The following RANBP2 variants were observed in gnomAD, a reference collection of about 807,000 sequenced individuals.
The protein encoded by RANBP2 is E3 SUMO-protein ligase RanBP2.
In RANBP2, 57 loss-of-function variants were observed where a neutral mutation model predicts 303.6. That is an observed-to-expected ratio of 0.19 (90% CI 0.15 to 0.23). RANBP2 has a LOEUF of 0.23. Ranked by LOEUF, RANBP2 falls within the 10% of genes least tolerant of loss-of-function variation. The pLI, the probability that RANBP2 is intolerant of heterozygous loss-of-function variation, is 1.00. For synonymous variants in RANBP2, 1,167 were observed against 1,301.5 expected, an observed-to-expected ratio of 0.90 and a Z score of 2.23; for missense variants, 3,138 against 3,780.8, an observed-to-expected ratio of 0.83 and a Z score of 4.46.
At chr2:109,224,584 G>A in the RANBP2 span, among the ~76,000 whole-genome samples, 1 of 152,168 alleles carries the variant, frequency 6.6e-6, no homozygotes, top group Non-Finnish European at 1.5e-5. Context: ...TTTGCCAGGC[G>A]CAGTGGCTCA....
the RANBP2 span, among the ~76,000 whole-genome samples, chr2:109,428,628 C>T: frequency 6.6e-6 from 1 of 152,240 alleles, no homozygotes; most frequent in African/African-American, 2.4e-5. Context: ...CATGAAAGCC[C>T]TATACACGCT....
At chr2:109,436,733 C>T in the RANBP2 span, among the ~76,000 whole-genome samples, 1 of 152,256 alleles carries the variant, frequency 6.6e-6, no homozygotes. Context: ...AAACAGGGCC[C>T]TTCTGCCCAG....
the RANBP2 span, among the ~76,000 whole-genome samples, chr2:109,263,187 T>C: frequency 6.6e-6 from 1 of 152,184 alleles, no homozygotes; most frequent in South Asian, 2.1e-4. Context: ...CAGAGACATG[T>C]GCATTCATAC....
the RANBP2 span, among the ~76,000 whole-genome samples, chr2:109,539,822 T>C: frequency 1.1e-4 from 17 of 152,220 alleles, no homozygotes; most frequent in African/African-American, 4.1e-4. Context: ...GCCTTCTGCA[T>C]CTGGCTTGAG....
At chr2:109,509,377 A>G in the RANBP2 span, among the ~76,000 whole-genome samples, 1 of 152,106 alleles carries the variant, frequency 6.6e-6, no homozygotes, top group Non-Finnish European at 1.5e-5. Context: ...CAACAGAAAT[A>G]TATTCTCTCA....
chr2:108,906,509 G>T, the RANBP2 span: 1 of 868,102 alleles, frequency 1.2e-6, no homozygotes. Context: ...CAGCAGCCCA[G>T]CCCTGACACA....
the RANBP2 span, among the ~76,000 whole-genome samples, chr2:109,441,256 A>G: frequency 1.3e-5 from 2 of 152,230 alleles, no homozygotes; most frequent in African/African-American, 4.8e-5. Context: ...TCAGTCAATC[A>G]ATCAAAACTG....
the RANBP2 span, among the ~76,000 whole-genome samples, chr2:109,451,496 G>A: frequency 4.6e-5 from 7 of 152,168 alleles, no homozygotes; most frequent in African/African-American, 1.4e-4. Context: ...AATGGGACTG[G>A]CTTCAATAAT....
chr2:108,896,034 A>G, the RANBP2 span: 1 of 152,224 alleles, frequency 6.6e-6, no homozygotes, highest in Non-Finnish European at 1.5e-5. Context: ...TGCTGCCCCT[A>G]AAAGGTCAAA....
At chr2:109,064,733 C>T in the RANBP2 span, among the ~76,000 whole-genome samples, 1 of 152,070 alleles carries the variant, frequency 6.6e-6, no homozygotes, top group Non-Finnish European at 1.5e-5. Flanking sequence ...GTTAGACATC[C>T]CTGTGGGTTG....
At chr2:109,025,377 A>G in the RANBP2 span, among the ~76,000 whole-genome samples, 3 of 152,166 alleles carry the variant, frequency 2.0e-5, no homozygotes, top group African/African-American at 7.2e-5. Context: ...TGGAGTTTCT[A>G]TTCTTTTTAT....
chr2:108,772,986 T>C lies in RANBP2; in HGVS notation c.8232T>C (p.Asp2744=), dbSNP rs1339131112. 1 of 1,614,020 alleles carries C rather than the reference T, an allele frequency of 6.2e-7. No homozygotes were observed. Among genetic ancestry groups the C allele is most frequent in the Non-Finnish European group, 8.5e-7 (1 of 1,179,928 alleles). ...TTTGTGGAGTCTGTAGTGATACTGA[T>C]GAAGACAATGGAAATGGGGAGGACT... is the stretch of plus-strand genomic sequence containing the variant. ...TFFCGVCSDT[D]EDNGNGEDFQ... is the part of the protein sequence containing the mutation. Residue 2744 remains aspartate (D), a synonymous_variant, in exon 23 of 29, where the codon GAT becomes GAC. Transcript: ENST00000283195.
At chr2:108,915,915 T>C in the RANBP2 span, among the ~76,000 whole-genome samples, 42 of 151,428 alleles carry the variant, frequency 2.8e-4, 1 homozygote, top group African/African-American at 9.2e-4. Flanking sequence ...AAATAAAAAA[T>C]AAATAAAAAT....
the RANBP2 span, among the ~76,000 whole-genome samples, chr2:109,228,759 T>A: frequency 1.3e-5 from 2 of 152,146 alleles, no homozygotes; most frequent in African/African-American, 4.8e-5. Flanking sequence ...GCACAGGGGC[T>A]TCCGTCTCTG....
At chr2:108,929,149 G>T in the RANBP2 span, 5 of 1,610,162 alleles carry the variant, frequency 3.1e-6, no homozygotes, top group African/African-American at 2.7e-5. Flanking sequence ...GCCCCTCGGG[G>T]TTTTCTGCAG....
At chr2:109,106,385 T>C in the RANBP2 span, among the ~76,000 whole-genome samples, 2 of 152,164 alleles carry the variant, frequency 1.3e-5, no homozygotes, top group African/African-American at 4.8e-5. Flanking sequence ...TGAGATCAGA[T>C]TTTGTACAAG....
At position 108,735,698 on chromosome 2, in the gene RANBP2, C is replaced by T; in HGVS notation, c.572C>T (p.Ala191Val). 1 of 1,597,580 alleles carries T rather than the reference C, an allele frequency of 6.3e-7. No homozygotes were observed. The highest frequency in any genetic ancestry group is 8.5e-7 in the Non-Finnish European group (1 of 1,179,792). Residue 191 changes from alanine (A) to valine (V), a missense_variant, in exon 5 of 29, where the codon GCA (alanine) becomes GTA (valine). Physicochemically the swap from Ala to Val is moderately conservative, Grantham distance 64 (BLOSUM62 0). This residue lies in a region of RANBP2 where 306 missense variants were observed against 381.9 expected (regional missense o/e 0.80). Coordinates refer to ENST00000283195, the MANE Select transcript of RANBP2 (RefSeq NM_006267.5). ...LKDAVAHCHE[A>V]ERNIALRSSL... ...GATGCTGTGGCCCACTGCCATGAGG[C>T]AGAGAGGAACATAGCTTTGCGTTCA...
At chr2:109,267,093 C>G in the RANBP2 span, among the ~76,000 whole-genome samples, 1 of 152,148 alleles carries the variant, frequency 6.6e-6, no homozygotes. Context: ...CTGAATGCCT[C>G]TGGTCTCTGA....
chr2:109,065,032 T>A, the RANBP2 span, among the ~76,000 whole-genome samples: 4 of 152,222 alleles, frequency 2.6e-5, no homozygotes, highest in African/African-American at 4.8e-5. Context: ...TGTCTAACAC[T>A]TAGACTTGAA....
Sources: allele counts gnomAD v4.1 joint callset (sites outside exome capture counted in the v4.1 genomes callset), GRCh38; gene constraint gnomAD v4.1.1; regional missense constraint gnomAD v4.1.1; transcripts MANE v1.5; gene names NCBI Gene and HGNC (gene_info 2026-07-23, HGNC 2026-07-21).